B3GNT9: variants seen among roughly 807,000 people sequenced by gnomAD.
B3GNT9 encodes BGnT-9.
For missense variants in B3GNT9, 669 were observed against 599.2 expected, an observed-to-expected ratio of 1.12 and a Z score of -1.22; for synonymous variants, 359 against 283.9, an observed-to-expected ratio of 1.26 and a Z score of -2.66.
chr16:67,149,251 T>G lies in B3GNT9; in HGVS notation c.*26A>C, dbSNP rs747647685. The G allele has an allele frequency of 1.3e-6, 2 of 1,515,312 alleles. No individual in the cohort carries two copies. The highest frequency in any genetic ancestry group is 8.8e-7 in the Non-Finnish European group (1 of 1,133,166). The allele number at this position is 1,515,312 out of a possible 1,614,324, so 93.9% of individuals were successfully genotyped here. A position where few individuals can be genotyped will look rare whatever the true frequency, so the allele number is the denominator to read the frequency against. On this transcript the variant is annotated 3_prime_UTR_variant, in exon 2 of 2. Transcript: ENST00000449549. ...AACCGGCTCCATTCTGGGTCTGAGT[T>G]AGGAGCTTGGGGCTGTAGTGGGGAG...
Position 67,150,418 on chromosome 16 carries a change from A to G in B3GNT9, c.68T>C (p.Leu23Pro), listed in dbSNP as rs2030433297. ...LTLLLGASLG[L>P]LLYAQRDGAA... The stretch of plus-strand genomic sequence containing the variant: ...GCCGTCGCGCTGCGCATAGAGTAAG[A>G]GGCCCAGGGAGGCGCCAAGGAGCAG... The change falls in exon 2 of 2, where the codon CTC (leucine) becomes CCC (proline). Residue 23 changes from leucine to proline, a missense_variant. Coordinates refer to ENST00000449549, the MANE Select transcript of B3GNT9 (RefSeq NM_033309.3). The G allele has an allele frequency of 1.5e-6, 2 of 1,357,790 alleles. No individual in the cohort carries two copies. The highest frequency in any genetic ancestry group is 3.1e-5 in the East Asian group (1 of 32,568). 84.1% of individuals were successfully genotyped at this position (1,357,790 alleles called of 1,614,324 possible).
Position 67,149,445 on chromosome 16 carries a change from C to T in B3GNT9, c.1041G>A (p.Ala347=), listed in dbSNP as rs1348034030. Residue 347 remains alanine (A), a synonymous_variant, in exon 2 of 2, where the codon GCG becomes GCA. Transcript: ENST00000449549. ...AGGGGTCGAAGGTGCTCAAATGCGG[C>T]GCGGCTGAAGGCTGGGGGATGCCAA... ...RTFGIPQPSA[A]PHLSTFDPCF... The T allele has an allele frequency of 6.2e-7, 1 of 1,606,514 alleles. No individual in the cohort carries two copies. The highest frequency in any genetic ancestry group is 1.3e-5 in the African/African-American group (1 of 74,936).
Position 67,149,652 on chromosome 16 carries a change from G to A in B3GNT9, c.834C>T (p.Tyr278=). ...ASKYYIPEAV[Y]GLPAYPAYAG... is the part of the protein sequence containing the mutation. ...CGTAGGCCGGATAGGCGGGCAGGCC[G>A]TACACGGCCTCGGGGATGTAGTACT... The change falls in exon 2 of 2, where the codon TAC becomes TAT. Residue 278 remains tyrosine, a synonymous_variant. Transcript: ENST00000449549. The A allele has an allele frequency of 6.2e-7, 1 of 1,602,808 alleles. No individual in the cohort carries two copies. The highest frequency in any genetic ancestry group is 8.5e-7 in the Non-Finnish European group (1 of 1,175,016).
Position 67,150,149 on chromosome 16 carries a change from C to A in B3GNT9, c.337G>T (p.Gly113Cys). 2 of 1,531,758 alleles carry A rather than the reference C, an allele frequency of 1.3e-6. No individual in the cohort carries two copies. Among genetic ancestry groups the A allele is most frequent in the Admixed American group, 2.1e-5 (1 of 47,646 alleles). The allele number at this position is 1,531,758 out of a possible 1,614,324, so 94.9% of individuals were successfully genotyped here. ...PHKCRGDGAP[G>C]GRPDLLIAVK... The stretch of plus-strand genomic sequence containing the variant: ...GCAATAAGCAGGTCCGGGCGGCCAC[C>A]GGGTGCGCCGTCGCCGCGGCACTTG... Residue 113 changes from glycine to cysteine, a missense_variant, in exon 2 of 2, where the codon GGT becomes TGT. By Grantham distance (159) the Gly-to-Cys change is radical. Transcript: ENST00000449549.
In B3GNT9 at chr16:67,149,760, G is replaced by A. The variant is rs201281755; in HGVS notation, c.726C>T (p.Phe242=). The A allele has an allele frequency of 1.2e-6, 2 of 1,613,824 alleles. No individual in the cohort carries two copies. Among genetic ancestry groups the A allele is most frequent in the Admixed American group, 1.7e-5 (1 of 60,020 alleles). The change falls in exon 2 of 2, where the codon TTC becomes TTT. Residue 242 remains phenylalanine (F), a synonymous_variant. Transcript: ENST00000449549. ...CTTGCGCCGGGTCCCGCGGCGCCAG[G>A]AACTCCAGGAGATTTCCCACGTTCA... ...VFVNVGNLLE[F]LAPRDPAQDL...
Position 67,150,445 on chromosome 16 carries a change from G to A in B3GNT9, c.41C>T (p.Thr14Met). Residue 14 changes from threonine (T) to methionine (M), a missense_variant, in exon 2 of 2, where the codon ACG (threonine) becomes ATG (methionine). Coordinates refer to ENST00000449549, the MANE Select transcript of B3GNT9 (RefSeq NM_033309.3). ...RLRLRRDALL[T>M]LLLGASLGLL... is the part of the protein sequence containing the mutation. ...GCCCAGGGAGGCGCCAAGGAGCAGC[G>A]TGAGCAATGCGTCCCTGCGTAGGCG... The A allele has an allele frequency of 1.7e-5, 23 of 1,347,460 alleles. No individual in the cohort carries two copies. Among genetic ancestry groups the A allele is most frequent in the Non-Finnish European group, 2.1e-5 (22 of 1,052,678 alleles). The allele number at this position is 1,347,460 out of a possible 1,614,324, so 83.5% of individuals were successfully genotyped here.
intron 1 of B3GNT9, 51 bp from the exon 2 acceptor site, chr16:67,150,722 C>T (rs1459644930): frequency 7.9e-6 from 3 of 379,210 alleles, no homozygotes; most frequent in African/African-American, 4.2e-5. Flanking sequence ...GCGGCCTCAG[C>T]TCCGGCCCAG....
At position 67,150,056 on chromosome 16, in the gene B3GNT9, G is replaced by C. The variant is rs1211702782; in HGVS notation, c.430C>G (p.Arg144Gly). 6.7e-7 allele frequency: 1 copy of C among 1,488,638 alleles called. No individual in the cohort carries two copies. The highest frequency in any genetic ancestry group is 1.3e-5 in the South Asian group (1 of 74,092). 92.2% of individuals were successfully genotyped at this position (1,488,638 alleles called of 1,614,324 possible). The change falls in exon 2 of 2, where the codon CGC becomes GGC. Residue 144 changes from arginine (R) to glycine (G), a missense_variant. Arg to Gly is a moderately radical substitution (Grantham distance 125). Transcript: ENST00000449549. ...AVRQTWGAEG[R>G]VQGALVRRVF... The stretch of plus-strand genomic sequence containing the variant: ...CGGCGCACCAGCGCCCCCTGCACGC[G>C]ACCCTCCGCGCCCCACGTCTGGCGC...
At position 67,149,711 on chromosome 16, in the gene B3GNT9, C is replaced by T. The variant is rs538772421; in HGVS notation, c.775G>A (p.Val259Met). 2.5e-4 allele frequency: 409 copies of T among 1,613,332 alleles called. 2 individuals carry two copies. In the South Asian group the frequency reaches 3.8e-3, roughly 15 times the overall value. ...AQDLLAGDVI[V>M]HARPIRTRAS... ...CGCGTGCGGATGGGCCGCGCATGCA[C>T]AATTACGTCACCAGCAAGCAGGTCT... Residue 259 changes from valine (V) to methionine (M), a missense_variant, in exon 2 of 2, where the codon GTG becomes ATG. Coordinates refer to ENST00000449549, the MANE Select transcript of B3GNT9 (RefSeq NM_033309.3).
chr16:67,149,691 G>A lies in B3GNT9; in HGVS notation c.795C>T (p.Arg265=), dbSNP rs772176015. ...GDVIVHARPI[R]TRASKYYIPE... ...GGATGTAGTACTTGCTAGCCCGCGT[G>A]CGGATGGGCCGCGCATGCACAATTA... Residue 265 remains arginine, a synonymous_variant, in exon 2 of 2, where the codon CGC becomes CGT. Transcript: ENST00000449549. 6.2e-7 allele frequency: 1 copy of A among 1,612,252 alleles called. No individual in the cohort carries two copies. The highest frequency in any genetic ancestry group is 8.5e-7 in the Non-Finnish European group (1 of 1,179,276).
At position 67,150,427 on chromosome 16, in the gene B3GNT9, G is replaced by A; in HGVS notation, c.59C>T (p.Ser20Phe). The change falls in exon 2 of 2, where the codon TCC becomes TTC. Residue 20 changes from serine to phenylalanine, a missense_variant. Transcript: ENST00000449549. ...DALLTLLLGASLGLLLYAQRD... is the reference protein window; with the variant it reads ...DALLTLLLGAFLGLLLYAQRD... ...CTGCGCATAGAGTAAGAGGCCCAGG[G>A]AGGCGCCAAGGAGCAGCGTGAGCAA... The A allele has an allele frequency of 7.4e-7, 1 of 1,358,944 alleles. No homozygotes were observed. Among genetic ancestry groups the A allele is most frequent in the Middle Eastern group, 2.7e-4 (1 of 3,654 alleles). The allele number at this position is 1,358,944 out of a possible 1,614,324, so 84.2% of individuals were successfully genotyped here.
Position 67,150,064 on chromosome 16 carries a change from G to C in B3GNT9, c.422C>G (p.Ala141Gly). 1 of 1,477,918 alleles carries C rather than the reference G, an allele frequency of 6.8e-7. No homozygotes were observed. The highest frequency in any genetic ancestry group is 9.0e-7 in the Non-Finnish European group (1 of 1,117,176). 91.6% of individuals were successfully genotyped at this position (1,477,918 alleles called of 1,614,324 possible). ...CAGCGCCCCCTGCACGCGACCCTCCGCGCCCCACGTCTGGCGCACGGCTTG... is the reference window on the plus strand; with the variant it reads ...CAGCGCCCCCTGCACGCGACCCTCCCCGCCCCACGTCTGGCGCACGGCTTG... ...RRQAVRQTWGAEGRVQGALVR... is the reference protein window; with the variant it reads ...RRQAVRQTWGGEGRVQGALVR... Residue 141 changes from alanine (A) to glycine (G), a missense_variant, in exon 2 of 2, where the codon GCG becomes GGG. By Grantham distance (60) the Ala-to-Gly change is moderately conservative. Transcript: ENST00000449549.
Position 67,149,951 on chromosome 16 carries a change from G to C in B3GNT9, c.535C>G (p.Arg179Gly), listed in dbSNP as rs532297268. Reference protein sequence around the residue: ...EVGEGARTHWRALLRAESLAY... With the variant: ...EVGEGARTHWGALLRAESLAY... ...AGGCTCTCGGCCCGCAGCAGGGCGC[G>C]CCAGTGGGTTCGCGCGCCCTCCCCA... is the stretch of plus-strand genomic sequence containing the variant. Residue 179 changes from arginine (R) to glycine (G), a missense_variant, in exon 2 of 2, where the codon CGC becomes GGC. Coordinates refer to ENST00000449549, the MANE Select transcript of B3GNT9 (RefSeq NM_033309.3). The C allele has an allele frequency of 6.4e-7, 1 of 1,571,304 alleles. No homozygotes were observed. The highest frequency in any genetic ancestry group is 2.4e-5 in the East Asian group (1 of 42,026).
Position 67,150,382 on chromosome 16 carries a change from G to C in B3GNT9, c.104C>G (p.Thr35Arg). Residue 35 changes from threonine (T) to arginine (R), a missense_variant, in exon 2 of 2, where the codon ACG (threonine) becomes AGG (arginine). Transcript: ENST00000449549. ...CCCTCGCCCTCGCGGCGCGCTCGCC[G>C]TCGGGGCCGCGCCGTCGCGCTGCGC... Reference protein sequence around the residue: ...LYAQRDGAAPTASAPRGRGRA... With the variant: ...LYAQRDGAAPRASAPRGRGRA... The C allele has an allele frequency of 7.4e-7, 1 of 1,348,324 alleles. No individual in the cohort carries two copies. The highest frequency in any genetic ancestry group is 9.5e-7 in the Non-Finnish European group (1 of 1,051,366). The allele number at this position is 1,348,324 out of a possible 1,614,324, so 83.5% of individuals were successfully genotyped here.
Position 67,150,291 on chromosome 16 carries a change from C to T in B3GNT9, c.195G>A (p.Pro65=), listed in dbSNP as rs1222899483. 14 of 1,428,980 alleles carry T rather than the reference C, an allele frequency of 9.8e-6. No homozygotes were observed. The highest frequency in any genetic ancestry group is 1.3e-5 in the Non-Finnish European group (14 of 1,086,376). 88.5% of individuals were successfully genotyped at this position (1,428,980 alleles called of 1,614,324 possible). Residue 65 remains proline, a synonymous_variant, in exon 2 of 2, where the codon CCG becomes CCA. Coordinates refer to ENST00000449549, the MANE Select transcript of B3GNT9 (RefSeq NM_033309.3). ...AFQLPDAGAA[P]PAYEGDTPAP... ...CCGGTGTGTCCCCTTCGTAGGCCGG[C>T]GGGGCTGCACCCGCGTCGGGTAACT...
In B3GNT9 at chr16:67,150,478, C is replaced by T; in HGVS notation, c.8G>A (p.Arg3Lys). The change falls in exon 2 of 2, where the codon AGG becomes AAG. Residue 3 changes from arginine (R) to lysine (K), a missense_variant. Transcript: ENST00000449549. Reference protein sequence around the residue: MRRRLRLRRDALL... With the variant: MRKRLRLRRDALL... ...TGCGTCCCTGCGTAGGCGCAGCCTC[C>T]TCCTCATCTCCGCGCGGCCTGCGCC... 7.6e-7 allele frequency: 1 copy of T among 1,311,890 alleles called. No individual in the cohort carries two copies. The highest frequency in any genetic ancestry group is 9.7e-7 in the Non-Finnish European group (1 of 1,032,046). 81.3% of individuals were successfully genotyped at this position (1,311,890 alleles called of 1,614,324 possible).
chr16:67,150,233 C>A lies in B3GNT9; in HGVS notation c.253G>T (p.Ala85Ser). 1 of 1,545,672 alleles carries A rather than the reference C, an allele frequency of 6.5e-7. No individual in the cohort carries two copies. The highest frequency in any genetic ancestry group is 8.7e-7 in the Non-Finnish European group (1 of 1,147,250). Residue 85 changes from alanine to serine, a missense_variant, in exon 2 of 2, where the codon GCC becomes TCC. Physicochemically the swap from Ala to Ser is moderately conservative, Grantham distance 99 (BLOSUM62 1). Transcript: ENST00000449549. ...TGGTCCTTGGCGCGCAAATAGCGGG[C>A]GAAGTCAAAGGGTCCCGTAGGCGTG... ...PPTPTGPFDFARYLRAKDQRR... is the reference protein window; with the variant it reads ...PPTPTGPFDFSRYLRAKDQRR...
chr16:67,150,094 C>T lies in B3GNT9; in HGVS notation c.392G>A (p.Arg131Gln), dbSNP rs1458144886. 4 of 1,459,346 alleles carry T rather than the reference C, an allele frequency of 2.7e-6. No individual in the cohort carries two copies. The highest frequency in any genetic ancestry group is 3.6e-6 in the Non-Finnish European group (4 of 1,107,498). The allele number at this position is 1,459,346 out of a possible 1,614,324, so 90.4% of individuals were successfully genotyped here. A position where few individuals can be genotyped will look rare whatever the true frequency, so the allele number is the denominator to read the frequency against. Residue 131 changes from arginine to glutamine, a missense_variant, in exon 2 of 2, where the codon CGG becomes CAG. Transcript: ENST00000449549. ...AVKSVAEDFE[R>Q]RQAVRQTWGA... ...CCACGTCTGGCGCACGGCTTGGCGC[C>T]GCTCGAAGTCCTCTGCCACCGACTT...
rs1440240938 is a variant in B3GNT9, at chr16:67,150,201, C to T, written c.285G>A (p.Arg95=). The stretch of plus-strand genomic sequence containing the variant: ...GCGGCTGGTTAATGAGCAGTGGAAA[C>T]CGCCGCTGGTCCTTGGCGCGCAAAT... ...ARYLRAKDQR[R]FPLLINQPHK... Residue 95 remains arginine (R), a synonymous_variant, in exon 2 of 2, where the codon CGG becomes CGA. Transcript: ENST00000449549. 1.9e-6 allele frequency: 3 copies of T among 1,557,642 alleles called. No homozygotes were observed. The highest frequency in any genetic ancestry group is 1.7e-4 in the Middle Eastern group (1 of 5,922).
Sources: gnomAD v4.1 joint callset for allele counts on GRCh38, gnomAD v4.1.1 for gene constraint, MANE v1.5 for transcripts, NCBI Gene and HGNC (gene_info 2026-07-23, HGNC 2026-07-21) for gene names.